Variants in AP3S1 observed in about 807,000 individuals in gnomAD.
AP3S1 encodes the protein adaptor related protein complex 3 subunit sigma 1, also known as AP-3 complex subunit sigma-1.
AP3S1 carries 12 observed loss-of-function variants against 21.3 expected under a neutral mutation model. The ratio of observed to expected loss-of-function variants is 0.56; its 90% CI spans 0.36 to 0.91. AP3S1 has a LOEUF of 0.91. Among genes scored for constraint, AP3S1 ranks in the 40% least tolerant of loss-of-function variants. The pLI, the probability that AP3S1 is intolerant of heterozygous loss-of-function variation, is 0.01. For synonymous variants in AP3S1, 48 were observed against 78.4 expected, an observed-to-expected ratio of 0.61 and a Z score of 2.05; for missense variants, 116 against 225.0, an observed-to-expected ratio of 0.52 and a Z score of 3.10.
At chr5:115,882,478 C>T (rs1749385517) in intron 3 of AP3S1, among the ~76,000 whole-genome samples, 1 of 152,150 alleles carries the variant, frequency 6.6e-6, no homozygotes, top group African/African-American at 2.4e-5. Flanking sequence ...TCTTCTGGAG[C>T]TTGCTGGAGG....
chr5:115,883,788 T>G (rs912038611), intron 3 of AP3S1, among the ~76,000 whole-genome samples: 6 of 152,252 alleles, frequency 3.9e-5, no homozygotes, highest in Non-Finnish European at 8.8e-5. Flanking sequence ...CAGCTTTTGC[T>G]TGGGAGTTTA....
Position 115,886,293 on chromosome 5 carries a change from A to AT in AP3S1, c.274-8788dup, listed in dbSNP as rs908540907. Among the ~76,000 whole-genome samples, 8 of 152,168 alleles carry AT rather than the reference A, an allele frequency of 5.3e-5. No homozygotes were observed. In the East Asian group the frequency reaches 1.5e-3, roughly 29 times the overall value. On this transcript the variant is annotated intron_variant, in intron 3 of 5. Transcript: ENST00000316788. ...ACTGTGTGGGTCAACTTATACACAG[A>AT]TTTTTTAAGATAAAGATTACACTGA...
intron 3 of AP3S1, among the ~76,000 whole-genome samples, chr5:115,879,000 T>G (rs939714482): frequency 2.0e-5 from 3 of 152,196 alleles, no homozygotes; most frequent in African/African-American, 7.2e-5. Context: ...TCTCCGTTTG[T>G]CTATTATTGG....
At chr5:115,852,225 A>G (rs1762487878) in intron 1 of AP3S1, among the ~76,000 whole-genome samples, 1 of 152,072 alleles carries the variant, frequency 6.6e-6, no homozygotes, top group Non-Finnish European at 1.5e-5. Context: ...TTTAAATTAT[A>G]TGGGCCCTGT....
chr5:115,852,848 C>T (rs2112785968), intron 1 of AP3S1: 2 of 296,416 alleles, frequency 6.7e-6, no homozygotes, highest in East Asian at 1.7e-4. Flanking sequence ...TATATATACA[C>T]TGTATCTTGT....
chr5:115,846,649 A>G (rs1021879033), intron 1 of AP3S1, among the ~76,000 whole-genome samples: 1 of 151,964 alleles, frequency 6.6e-6, no homozygotes, highest in African/African-American at 2.4e-5. Context: ...CCTTAAAAAG[A>G]TCCATCCATG....
At chr5:115,905,990 T>G (rs1751617613) in intron 5 of AP3S1, among the ~76,000 whole-genome samples, 1 of 152,118 alleles carries the variant, frequency 6.6e-6, no homozygotes, top group Non-Finnish European at 1.5e-5. Flanking sequence ...ATCCCGTCTC[T>G]ACTAAAAATA....
At chr5:115,866,934 G>A (rs1197002802) in intron 2 of AP3S1, among the ~76,000 whole-genome samples, 173 bp downstream of exon 2, 1 of 151,976 alleles carries the variant, frequency 6.6e-6, no homozygotes, top group African/African-American at 2.4e-5. Flanking sequence ...TAAAAGATAT[G>A]CAATCTTTTT....
chr5:115,902,120 A>G (rs937857356), intron 4 of AP3S1, among the ~76,000 whole-genome samples: 2 of 152,212 alleles, frequency 1.3e-5, no homozygotes, highest in Non-Finnish European at 2.9e-5. Flanking sequence ...GTCTGTATTC[A>G]TACTTATCTA....
chr5:115,881,351 C>T (rs2112872814), intron 3 of AP3S1, among the ~76,000 whole-genome samples: 1 of 152,182 alleles, frequency 6.6e-6, no homozygotes, highest in African/African-American at 2.4e-5. Flanking sequence ...TTTTCCTTTC[C>T]ATATTTAGTG....
At chr5:115,871,060 T>C (rs961221308) in intron 3 of AP3S1, among the ~76,000 whole-genome samples, 1 of 152,216 alleles carries the variant, frequency 6.6e-6, no homozygotes, top group Non-Finnish European at 1.5e-5. Flanking sequence ...GAATCTTTTA[T>C]AATGGATACT....
intron 1 of AP3S1, among the ~76,000 whole-genome samples, chr5:115,865,340 T>G (rs997706559): frequency 2.0e-5 from 3 of 152,128 alleles, no homozygotes; most frequent in African/African-American, 7.2e-5. Context: ...GGAGTTAACA[T>G]TTTTGGGGAG....
intron 1 of AP3S1, among the ~76,000 whole-genome samples, chr5:115,843,770 T>C (rs1761842694): frequency 6.6e-6 from 1 of 152,236 alleles, no homozygotes; most frequent in Admixed American, 6.5e-5. Context: ...ACTCGTATAG[T>C]GTATAATTTA....
At chr5:115,846,555 GT>G (rs760506831) in intron 1 of AP3S1, among the ~76,000 whole-genome samples, 3,315 of 127,924 alleles carry the variant, frequency 0.026, 52 homozygotes, top group African/African-American at 0.046. Context: ...CTTCTTTCTC[GT>G]TTTTTTTTTT....
chr5:115,908,666 T>A (rs553381064), intron 5 of AP3S1, among the ~76,000 whole-genome samples: 84 of 152,304 alleles, frequency 5.5e-4, no homozygotes, highest in African/African-American at 2.0e-3. Context: ...GAAGGTTTTT[T>A]AAATTTTTGA....
intron 1 of AP3S1, among the ~76,000 whole-genome samples, chr5:115,865,545 AT>A (rs1763547391): frequency 6.6e-6 from 1 of 152,126 alleles, no homozygotes; most frequent in Admixed American, 6.5e-5. Flanking sequence ...AAGTGATTAT[AT>A]GTTTACCCTC....
At chr5:115,889,159 T>C (rs1750057674) in intron 3 of AP3S1, among the ~76,000 whole-genome samples, 1 of 152,160 alleles carries the variant, frequency 6.6e-6, no homozygotes, top group Non-Finnish European at 1.5e-5. Context: ...AATCTGCACA[T>C]TTAGTAGGTT....
chr5:115,860,681 T>C (rs1452650971), intron 1 of AP3S1, among the ~76,000 whole-genome samples: 3 of 152,214 alleles, frequency 2.0e-5, no homozygotes, highest in African/African-American at 4.8e-5. Flanking sequence ...TGAGAATACT[T>C]TAACACTTAT....
In AP3S1 at chr5:115,902,892, A is replaced by G. The variant is rs201775476; in HGVS notation, c.353A>G (p.Asn118Ser). ...TTCTTTTATTCCCTTTAGGTTCACA[A>G]TATTCTTGCAGAAATGGTGATGGGG... ...DLIFHVDKVH[N>S]ILAEMVMGGM... Residue 118 changes from asparagine (N) to serine (S), a missense_variant, in exon 5 of 6, where the codon AAT (asparagine) becomes AGT (serine). By Grantham distance (46) the Asn-to-Ser change is conservative. Coordinates refer to ENST00000316788, the MANE Select transcript of AP3S1 (RefSeq NM_001284.4). The G allele has an allele frequency of 5.8e-5, 94 of 1,612,668 alleles. 1 individual carries two copies. Among genetic ancestry groups the G allele is most frequent in the Middle Eastern group, 5.6e-4 (3 of 5,388 alleles).
Sources: gnomAD v4.1 joint callset for allele counts (sites outside exome capture counted in the v4.1 genomes callset) on GRCh38, gnomAD v4.1.1 for gene constraint, MANE v1.5 for transcripts, NCBI Gene and HGNC (gene_info 2026-07-23, HGNC 2026-07-21) for gene names.